Variants in DYNC1I1 observed in about 807,000 individuals in gnomAD.
DYNC1I1 encodes cytoplasmic dynein 1 intermediate chain 1.
A neutral mutation model predicts 86.6 loss-of-function variants in DYNC1I1; 43 were observed. That is an observed-to-expected ratio of 0.50 (90% CI 0.39 to 0.64). DYNC1I1 has a LOEUF of 0.64. Among genes scored for constraint, DYNC1I1 ranks in the 30% least tolerant of loss-of-function variants. The pLI is 0.00. For missense variants in DYNC1I1, 604 were observed against 788.8 expected, an observed-to-expected ratio of 0.77 and a Z score of 2.81; for synonymous variants, 262 against 283.7, an observed-to-expected ratio of 0.92 and a Z score of 0.77.
At chr7:96,020,355 G>T (rs1370622725) in intron 10 of DYNC1I1, among the ~76,000 whole-genome samples, 3 of 152,044 alleles carry the variant, frequency 2.0e-5, no homozygotes, top group Non-Finnish European at 4.4e-5. Flanking sequence ...GTCTTACATG[G>T]ATGGCAGCAG....
intron 10 of DYNC1I1, among the ~76,000 whole-genome samples, chr7:96,000,116 A>G (rs1311423371): frequency 6.6e-6 from 1 of 152,216 alleles, no homozygotes; most frequent in Non-Finnish European, 1.5e-5. Context: ...TGGCTAGGCT[A>G]AGAAGTGGTT....
chr7:95,776,740 A>G (rs1253876346), intron 1 of DYNC1I1, among the ~76,000 whole-genome samples: 2 of 152,158 alleles, frequency 1.3e-5, no homozygotes. Flanking sequence ...GCAAACATCA[A>G]CTGACACTGA....
intron 10 of DYNC1I1, among the ~76,000 whole-genome samples, chr7:96,021,020 G>A (rs1794536296): frequency 6.6e-6 from 1 of 152,040 alleles, no homozygotes; most frequent in African/African-American, 2.4e-5. Context: ...GATGGGGGAG[G>A]AATGAGGAGT....
At chr7:95,801,721 T>C (rs1287633105) in intron 1 of DYNC1I1, among the ~76,000 whole-genome samples, 1 of 152,228 alleles carries the variant, frequency 6.6e-6, no homozygotes, top group Admixed American at 6.5e-5. Context: ...AGATGGACCC[T>C]CATTGGTCAA....
chr7:95,969,034 T>C (rs1231021030), intron 6 of DYNC1I1, among the ~76,000 whole-genome samples: 1 of 152,212 alleles, frequency 6.6e-6, no homozygotes. Context: ...TACGAGAATG[T>C]AGAGAAGAGA....
intron 5 of DYNC1I1, among the ~76,000 whole-genome samples, chr7:95,848,817 T>C (rs1409324407): frequency 6.6e-6 from 1 of 152,178 alleles, no homozygotes; most frequent in Non-Finnish European, 1.5e-5. Context: ...TTTGCCATAA[T>C]GGCTATACTA....
intron 5 of DYNC1I1, among the ~76,000 whole-genome samples, chr7:95,849,861 C>CT (rs1189938744): frequency 2.0e-5 from 3 of 152,114 alleles, no homozygotes; most frequent in Admixed American, 2.0e-4. Context: ...CATGGAATAT[C>CT]TATCAATTTA....
At chr7:96,011,353 T>C (rs1794271172) in intron 10 of DYNC1I1, among the ~76,000 whole-genome samples, 1 of 152,126 alleles carries the variant, frequency 6.6e-6, no homozygotes, top group South Asian at 2.1e-4. Flanking sequence ...AGGAAAAAAA[T>C]AAGTTAAATA....
intron 6 of DYNC1I1, among the ~76,000 whole-genome samples, chr7:95,878,701 G>C (rs1790371665): frequency 1.3e-5 from 2 of 152,044 alleles, no homozygotes; most frequent in South Asian, 4.1e-4. Flanking sequence ...TCTCAAATTT[G>C]ATGAAAAACT....
intron 10 of DYNC1I1, among the ~76,000 whole-genome samples, chr7:96,012,297 A>G (rs891607681): frequency 1.3e-5 from 2 of 152,200 alleles, no homozygotes; most frequent in African/African-American, 4.8e-5. Flanking sequence ...GGTTTTTGCT[A>G]GTAGGTCTAC....
In DYNC1I1 at chr7:96,098,251, A is replaced by C. The variant is rs1791073809; in HGVS notation, c.*658A>C. The C allele has an allele frequency of 2.0e-6, 2 of 985,800 alleles. No individual in the cohort carries two copies. Among genetic ancestry groups the C allele is most frequent in the Non-Finnish European group, 2.4e-6 (2 of 829,948 alleles). The allele number at this position is 985,800 out of a possible 1,614,324, so 61.1% of individuals were successfully genotyped here. On this transcript the variant is annotated 3_prime_UTR_variant, in exon 17 of 17. Transcript: ENST00000447467. ...GTTCCACTGAAGACATGAAATCTTT[A>C]GAGGTTTCTTGCAGTGAACGAAATG...
chr7:95,818,202 T>C (rs1336833134), intron 4 of DYNC1I1, among the ~76,000 whole-genome samples: 1 of 133,952 alleles, frequency 7.5e-6, no homozygotes, highest in Non-Finnish European at 1.6e-5. Context: ...AATTAATTTT[T>C]GTCTTTTTTT....
intron 16 of DYNC1I1, among the ~76,000 whole-genome samples, chr7:96,082,154 G>C (rs961479718): frequency 2.0e-5 from 3 of 152,036 alleles, no homozygotes; most frequent in Admixed American, 6.6e-5. Flanking sequence ...TTTCTTAAAT[G>C]AGTATTCTTT....
intron 6 of DYNC1I1, among the ~76,000 whole-genome samples, chr7:95,944,149 A>G (rs1401169411): frequency 1.3e-5 from 2 of 152,262 alleles, no homozygotes; most frequent in African/African-American, 4.8e-5. Context: ...AATATCCAGC[A>G]TCTACAATGA....
chr7:95,886,613 A>G (rs904808716), intron 6 of DYNC1I1, among the ~76,000 whole-genome samples: 5 of 152,186 alleles, frequency 3.3e-5, no homozygotes, highest in Non-Finnish European at 2.9e-5. Flanking sequence ...CAGACAGCCA[A>G]TCTCCTTAAG....
At chr7:95,935,830 A>C (rs1454885548) in intron 6 of DYNC1I1, among the ~76,000 whole-genome samples, 2 of 152,060 alleles carry the variant, frequency 1.3e-5, no homozygotes, top group Non-Finnish European at 2.9e-5. Context: ...AAAGACATAC[A>C]AATGGCCAAC....
intron 10 of DYNC1I1, among the ~76,000 whole-genome samples, 186 bp from the exon 11 acceptor site, chr7:96,027,989 A>G (rs937555406): frequency 1.3e-5 from 2 of 152,220 alleles, no homozygotes; most frequent in Non-Finnish European, 1.5e-5. Flanking sequence ...AGCCTCTCCA[A>G]AGAAAGTCCT....
At chr7:95,992,113 G>T (rs1195468133) in intron 9 of DYNC1I1, among the ~76,000 whole-genome samples, 2 of 152,006 alleles carry the variant, frequency 1.3e-5, no homozygotes, top group East Asian at 3.9e-4. Flanking sequence ...ACCCTCCTCG[G>T]CCTCCCAAAG....
At chr7:95,892,844 G>A (rs1790779554) in intron 6 of DYNC1I1, among the ~76,000 whole-genome samples, 1 of 144,932 alleles carries the variant, frequency 6.9e-6, no homozygotes. Context: ...AAAATGAGGA[G>A]GCCCAATACC....
Sources: gnomAD v4.1 joint callset for allele counts (sites outside exome capture counted in the v4.1 genomes callset) on GRCh38, gnomAD v4.1.1 for gene constraint, MANE v1.5 for transcripts, NCBI Gene and HGNC (gene_info 2026-07-23, HGNC 2026-07-21) for gene names.